PRH1: variants seen among roughly 807,000 people sequenced by gnomAD.
PRH1 encodes the protein proline rich protein HaeIII subfamily 1.
A neutral mutation model predicts 7.9 loss-of-function variants in PRH1; 7 were observed. That is an observed-to-expected ratio of 0.89 (90% CI 0.50 to 1.67). The LOEUF is 1.67. Ranked by LOEUF, PRH1 falls within the 40% of genes most tolerant of loss-of-function variation. The pLI, the probability that PRH1 is intolerant of heterozygous loss-of-function variation, is 0.00. For synonymous variants in PRH1, 45 were observed against 80.8 expected, an observed-to-expected ratio of 0.56 and a Z score of 2.38; for missense variants, 109 against 223.6, an observed-to-expected ratio of 0.49 and a Z score of 3.27.
chr12:11,147,334 T>A (rs1046119143), intron 1 of PRH1, among the ~76,000 whole-genome samples: 5 of 151,956 alleles, frequency 3.3e-5, no homozygotes, highest in Non-Finnish European at 7.4e-5. Context: ...ACTACAGGTG[T>A]GTGCCACCAC....
Position 11,077,956 on chromosome 12 carries a change from A to G in PRH1, n.124-30768T>C, listed in dbSNP as rs1174213815. ...TATGCTGAGGCTAGCAGCAAGCCAG[A>G]TGCTGAAATGGTTGATTATTGCTGA... is the stretch of plus-strand genomic sequence containing the variant. On this transcript the variant is annotated intron_variant and non_coding_transcript_variant, in intron 1 of 4. Transcript: ENST00000541977. 14 of 893,302 alleles carry G rather than the reference A, an allele frequency of 1.6e-5. 2 individuals carry two copies. Among genetic ancestry groups the G allele is most frequent in the Middle Eastern group, 2.1e-4 (1 of 4,752 alleles). 55.3% of individuals were successfully genotyped at this position (893,302 alleles called of 1,614,324 possible).
chr12:10,968,269 AAACTT>A (rs1183226849), intron 2 of PRH1, among the ~76,000 whole-genome samples: 3 of 152,354 alleles, frequency 2.0e-5, no homozygotes, highest in African/African-American at 7.2e-5. Context: ...AAACTAAACT[AAACTT>A]AATTTCTAAA....
intron 2 of PRH1, among the ~76,000 whole-genome samples, chr12:10,912,436 A>G (rs1050684850): frequency 1.3e-5 from 2 of 152,108 alleles, no homozygotes; most frequent in African/African-American, 4.8e-5. Flanking sequence ...TACCAACAGA[A>G]TATATCCTTT....
At chr12:10,971,184 TC>T (rs1284076686) in intron 2 of PRH1, among the ~76,000 whole-genome samples, 1 of 152,150 alleles carries the variant, frequency 6.6e-6, no homozygotes, top group Admixed American at 6.6e-5. Context: ...GATCCCATTC[TC>T]CTCTTGTTTT....
At chr12:11,166,018 G>A (rs887248114) in intron 1 of PRH1, 2 of 152,224 alleles carry the variant, frequency 1.3e-5, no homozygotes, top group East Asian at 1.9e-4. Flanking sequence ...TGCCTCAGAC[G>A]TGGGACTTTT....
rs1944954797 is a variant in PRH1, at chr12:11,092,430, A to C, written n.124-45242T>G. ...AGAAGAGAGAAAGGACAAAGCTTCC[A>C]CAGAGTGAAAGGCAACCCAGGTAGG... On this transcript the variant is annotated intron_variant and non_coding_transcript_variant, in intron 1 of 4. Coordinates refer to the PRH1 transcript ENST00000541977. 3 of 320,984 alleles carry C rather than the reference A, an allele frequency of 9.3e-6. 1 individual carries two copies. Among genetic ancestry groups the C allele is most frequent in the African/African-American group, 7.5e-5 (3 of 40,262 alleles). 19.9% of individuals were successfully genotyped at this position (320,984 alleles called of 1,614,324 possible).
chr12:11,133,065 T>C (rs546344814), intron 1 of PRH1: 8 of 520,030 alleles, frequency 1.5e-5, no homozygotes, highest in African/African-American at 7.9e-5. Flanking sequence ...AATTTGGCAG[T>C]TTTTGTGAAA....
At chr12:10,996,919 A>G (rs1325140090) in intron 1 of PRH1, 11 of 1,547,924 alleles carry the variant, frequency 7.1e-6, no homozygotes, top group Non-Finnish European at 9.6e-6. Flanking sequence ...TTTCTGCTAG[A>G]AAACACACAA....
At chr12:11,039,186 A>C (rs1292644711) in intron 1 of PRH1, among the ~76,000 whole-genome samples, 5 of 152,224 alleles carry the variant, frequency 3.3e-5, no homozygotes, top group Non-Finnish European at 7.4e-5. Context: ...TAGTAAACTT[A>C]TCATGTCTGA....
At chr12:11,025,096 G>C (rs1941842315) in intron 1 of PRH1, among the ~76,000 whole-genome samples, 1 of 148,722 alleles carries the variant, frequency 6.7e-6, no homozygotes, top group African/African-American at 2.5e-5. Flanking sequence ...TCTGCTCACT[G>C]AAAGCTCCGC....
At position 11,021,709 on chromosome 12, in the gene PRH1, T is replaced by C. The variant is rs1197776162; in HGVS notation, c.-126+25311A>G. On this transcript the variant is annotated intron_variant, in intron 1 of 3. Coordinates refer to the PRH1 transcript ENST00000539853. The stretch of plus-strand genomic sequence containing the variant: ...CTGCCACAAAACTGAAAGAAAGGTC[T>C]GTTTTAGCTTCCTACTTCCCATAAT... 3 of 1,612,926 alleles carry C rather than the reference T, an allele frequency of 1.9e-6. No homozygotes were observed. In the African/African-American group the frequency reaches 4.0e-5, roughly 22 times the overall value.
At chr12:11,047,467 G>A (rs1009472866), upstream of PRH1, among the ~76,000 whole-genome samples, 1 of 151,700 alleles carries the variant, frequency 6.6e-6, no homozygotes, top group Non-Finnish European at 1.5e-5. Context: ...AGGGCTCAGA[G>A]GTGGCTAAGC....
intron 2 of PRH1, among the ~76,000 whole-genome samples, chr12:10,937,038 T>C (rs1338250877): frequency 1.3e-5 from 2 of 152,126 alleles, no homozygotes; most frequent in African/African-American, 4.8e-5. Flanking sequence ...ACGGTTACAT[T>C]CCTTAGCCCT....
chr12:11,169,456 T>G (rs1194060576), intron 1 of PRH1, among the ~76,000 whole-genome samples: 1 of 152,200 alleles, frequency 6.6e-6, no homozygotes, highest in Non-Finnish European at 1.5e-5. Flanking sequence ...GCCCTCAATC[T>G]GGCCATGTTA....
intron 2 of PRH1, among the ~76,000 whole-genome samples, chr12:10,894,139 T>C (rs752192141): frequency 1.3e-5 from 2 of 152,190 alleles, no homozygotes; most frequent in Non-Finnish European, 2.9e-5. Context: ...CTGGTAACTC[T>C]ACACTAGATG....
chr12:11,137,972 A>T (rs1164423029), intron 1 of PRH1, among the ~76,000 whole-genome samples: 1 of 118,174 alleles, frequency 8.5e-6, no homozygotes, highest in Non-Finnish European at 2.0e-5. Flanking sequence ...TGGCCTCATG[A>T]TTCTTATATT....
chr12:10,909,591 G>C (rs999512904), intron 2 of PRH1: 5 of 359,688 alleles, frequency 1.4e-5, no homozygotes, highest in African/African-American at 1.1e-4. Context: ...ATGCAGCAAA[G>C]TTAAACTCAC....
At chr12:10,924,008 T>TTG (rs1304709950) in intron 2 of PRH1, among the ~76,000 whole-genome samples, 4 of 144,738 alleles carry the variant, frequency 2.8e-5, no homozygotes, top group African/African-American at 1.0e-4. Context: ...TTTTTTTTTT[T>TTG]TTTTTGAGAC....
intron 1 of PRH1, among the ~76,000 whole-genome samples, chr12:10,995,143 T>A (rs544872636): frequency 1.3e-5 from 2 of 152,322 alleles, no homozygotes; most frequent in South Asian, 4.1e-4. Flanking sequence ...TGTGATGTGT[T>A]ACATTTTCAT....
Sources: allele counts gnomAD v4.1 joint callset (sites outside exome capture counted in the v4.1 genomes callset), GRCh38; gene constraint gnomAD v4.1.1; transcripts MANE v1.5; gene names NCBI Gene and HGNC (gene_info 2026-07-23, HGNC 2026-07-21).